CDH18: variants seen among roughly 807,000 people sequenced by gnomAD.
CDH18 encodes cadherin-18.
CDH18 carries 31 observed loss-of-function variants against 67.9 expected under a neutral mutation model. That is an observed-to-expected ratio of 0.46 (90% CI 0.34 to 0.62). CDH18 has a LOEUF of 0.62. Ranked by LOEUF, CDH18 falls within the 20% of genes least tolerant of loss-of-function variation. The pLI is 0.01. For synonymous variants in CDH18, 362 were observed against 347.2 expected, an observed-to-expected ratio of 1.04 and a Z score of -0.48; for missense variants, 890 against 975.5, an observed-to-expected ratio of 0.91 and a Z score of 1.17.
At chr5:20,094,522 G>A (rs1745713935) in intron 2 of CDH18, among the ~76,000 whole-genome samples, 1 of 152,124 alleles carries the variant, frequency 6.6e-6, no homozygotes, top group East Asian at 1.9e-4. Context: ...AGCTTGATGG[G>A]AATAGCATTG....
In CDH18 at chr5:19,546,693, T is replaced by C. The variant is rs186998541; in HGVS notation, c.1254-2688A>G. On this transcript the variant is annotated intron_variant, in intron 8 of 12. Coordinates refer to ENST00000382275, the MANE Select transcript of CDH18 (RefSeq NM_004934.5). ...GTGTTAGAAGGGTATGCAGAGCATATTGCTAAGGTGTGAAATCTTCTAACC... is the reference window on the plus strand; with the variant it reads ...GTGTTAGAAGGGTATGCAGAGCATACTGCTAAGGTGTGAAATCTTCTAACC... Among the ~76,000 whole-genome samples, 4 of 152,250 alleles carry C rather than the reference T, an allele frequency of 2.6e-5. No individual in the cohort carries two copies. The East Asian group carries it at 7.7e-4, about 29-fold the overall frequency.
chr5:19,959,806 G>C (rs965774587), intron 2 of CDH18, among the ~76,000 whole-genome samples: 1 of 152,076 alleles, frequency 6.6e-6, no homozygotes, highest in Non-Finnish European at 1.5e-5. Flanking sequence ...CACAAACCTA[G>C]AGGGGATAGG....
intron 2 of CDH18, among the ~76,000 whole-genome samples, chr5:20,039,855 A>C (rs181589151): frequency 6.6e-6 from 1 of 152,330 alleles, no homozygotes; most frequent in East Asian, 1.9e-4. Flanking sequence ...ATGGGATCTA[A>C]TTAAACTAAA....
At chr5:20,267,936 G>T (rs927892424) in intron 1 of CDH18, among the ~76,000 whole-genome samples, 20 of 152,106 alleles carry the variant, frequency 1.3e-4, no homozygotes, top group African/African-American at 4.3e-4. Context: ...TAGTTTCTCG[G>T]CTTTTCCTCC....
intron 1 of CDH18, among the ~76,000 whole-genome samples, chr5:20,348,050 G>A (rs1346670384): frequency 1.3e-5 from 2 of 152,104 alleles, no homozygotes; most frequent in Non-Finnish European, 2.9e-5. Context: ...TAAGCAGACT[G>A]CAACACTCTC....
intron 2 of CDH18, among the ~76,000 whole-genome samples, chr5:19,976,767 A>G (rs1454186686): frequency 1.3e-5 from 2 of 148,388 alleles, no homozygotes; most frequent in African/African-American, 2.4e-5. Flanking sequence ...GGATAAGACT[A>G]ACTTATGGCA....
intron 2 of CDH18, among the ~76,000 whole-genome samples, chr5:20,196,639 T>C (rs1402786273): frequency 6.6e-6 from 1 of 152,236 alleles, no homozygotes; most frequent in African/African-American, 2.4e-5. Context: ...ACTTTTTATA[T>C]ATCATACCAC....
At chr5:19,806,357 G>A (rs62355779) in intron 3 of CDH18, among the ~76,000 whole-genome samples, 4 of 151,938 alleles carry the variant, frequency 2.6e-5, no homozygotes, top group Non-Finnish European at 5.9e-5. Context: ...TCATTGCAGC[G>A]GCATATTTTA....
chr5:19,846,792 A>T (rs1381768067), intron 2 of CDH18, among the ~76,000 whole-genome samples: 1 of 152,096 alleles, frequency 6.6e-6, no homozygotes, highest in Non-Finnish European at 1.5e-5. Context: ...CTCCTTTTGG[A>T]ATCTTTTGTA....
At chr5:20,424,380 T>G (rs1748115278) in intron 1 of CDH18, among the ~76,000 whole-genome samples, 1 of 150,524 alleles carries the variant, frequency 6.6e-6, no homozygotes, top group Non-Finnish European at 1.5e-5. Context: ...AGAACAAGGA[T>G]GTTTCAGAGC....
chr5:19,587,430 C>A (rs1046027382), intron 7 of CDH18, among the ~76,000 whole-genome samples: 1 of 152,062 alleles, frequency 6.6e-6, no homozygotes, highest in African/African-American at 2.4e-5. Flanking sequence ...TTGGGTTTTA[C>A]ATTTAAGTCT....
chr5:20,547,623 A>G (rs1171807397), intron 1 of CDH18, among the ~76,000 whole-genome samples: 2 of 152,066 alleles, frequency 1.3e-5, no homozygotes, highest in Non-Finnish European at 2.9e-5. Context: ...AAACTGGTTT[A>G]AATTTTGATA....
intron 2 of CDH18, among the ~76,000 whole-genome samples, chr5:19,866,928 A>G (rs142159333): frequency 9.5e-4 from 144 of 152,218 alleles, no homozygotes; most frequent in East Asian, 4.3e-3. Flanking sequence ...GGTCTCTACT[A>G]AAAATACAAA....
At chr5:20,361,043 A>G (rs781216643) in intron 1 of CDH18, among the ~76,000 whole-genome samples, 35 of 152,230 alleles carry the variant, frequency 2.3e-4, no homozygotes, top group African/African-American at 4.8e-5. Context: ...TAGAATATGT[A>G]TTTAAAGAAG....
chr5:20,269,366 C>T (rs1745273445), intron 1 of CDH18, among the ~76,000 whole-genome samples: 1 of 151,446 alleles, frequency 6.6e-6, no homozygotes, highest in South Asian at 2.1e-4. Flanking sequence ...ATCTAGCACT[C>T]CCACCACTTT....
chr5:20,071,345 A>G (rs968018716), intron 2 of CDH18, among the ~76,000 whole-genome samples: 6 of 152,056 alleles, frequency 3.9e-5, no homozygotes, highest in Non-Finnish European at 5.9e-5. Context: ...ACTCCCCCCA[A>G]ACAAGGAAAA....
intron 2 of CDH18, among the ~76,000 whole-genome samples, chr5:20,019,344 T>C (rs2150429648): frequency 6.6e-6 from 1 of 152,300 alleles, no homozygotes; most frequent in South Asian, 2.1e-4. Context: ...ACGGATGATA[T>C]ATGGTAACAC....
chr5:20,550,303 C>A (rs138779935), intron 1 of CDH18, among the ~76,000 whole-genome samples: 1 of 152,198 alleles, frequency 6.6e-6, no homozygotes, highest in Admixed American at 6.5e-5. Context: ...ACTTAATGAA[C>A]AAGAGTCCTA....
At chr5:20,498,745 ATAAT>A (rs1363222823) in intron 1 of CDH18, among the ~76,000 whole-genome samples, 2 of 152,116 alleles carry the variant, frequency 1.3e-5, no homozygotes, top group Non-Finnish European at 2.9e-5. Context: ...TATCAAACAG[ATAAT>A]TAAAGTGAGC....
Sources: allele counts gnomAD v4.1 joint callset (sites outside exome capture counted in the v4.1 genomes callset), GRCh38; gene constraint gnomAD v4.1.1; transcripts MANE v1.5; gene names NCBI Gene and HGNC (gene_info 2026-07-23, HGNC 2026-07-21).